ENOX1: variants seen among roughly 807,000 people sequenced by gnomAD.
ENOX1 encodes the protein candidate growth-related and time keeping constitutive hydroquinone (NADH) oxidase.
A neutral mutation model predicts 82.5 loss-of-function variants in ENOX1; 42 were observed. The observed-to-expected ratio is 0.51, with a 90% CI of 0.40 to 0.66. The LOEUF (loss-of-function observed/expected upper bound fraction) is 0.66, where lower values mean the gene tolerates loss of function less well. Ranked by LOEUF, ENOX1 falls within the 30% of genes least tolerant of loss-of-function variation. ENOX1 has a pLI of 0.00. For missense variants in ENOX1, 608 were observed against 811.6 expected, an observed-to-expected ratio of 0.75 and a Z score of 3.05; for synonymous variants, 271 against 282.2, an observed-to-expected ratio of 0.96 and a Z score of 0.40.
chr13:43,405,773 T>C (rs1407105555), intron 5 of ENOX1, among the ~76,000 whole-genome samples: 1 of 152,242 alleles, frequency 6.6e-6, no homozygotes. Context: ...AACTCCTGTC[T>C]GGTTGCCAAC....
chr13:43,376,982 T>C (rs2153572026), intron 5 of ENOX1, among the ~76,000 whole-genome samples: 1 of 152,332 alleles, frequency 6.6e-6, no homozygotes, highest in Admixed American at 6.5e-5. Flanking sequence ...ACAGACTTTA[T>C]ACCAGCCTGA....
At chr13:43,220,317 A>G (rs997012015) in intron 16 of ENOX1, among the ~76,000 whole-genome samples, 1 of 152,202 alleles carries the variant, frequency 6.6e-6, no homozygotes, top group African/African-American at 2.4e-5. Context: ...TGTTGGCTAA[A>G]GCATCCCAGA....
chr13:43,766,702 A>T (rs1951294198), intron 1 of ENOX1, among the ~76,000 whole-genome samples: 1 of 152,244 alleles, frequency 6.6e-6, no homozygotes, highest in Non-Finnish European at 1.5e-5. Flanking sequence ...AGAGTAAAAT[A>T]GACTTGGTTT....
At position 43,317,749 on chromosome 13, in the gene ENOX1, T is replaced by C. The variant is rs370654366; in HGVS notation, c.1261+4635A>G. Among the ~76,000 whole-genome samples the C allele has an allele frequency of 2.6e-5, 4 of 152,018 alleles. No homozygotes were observed. In the East Asian group the frequency reaches 5.8e-4, roughly 22 times the overall value. On this transcript the variant is annotated intron_variant, in intron 11 of 16. Coordinates refer to ENST00000690772, the MANE Select transcript of ENOX1 (RefSeq NM_001347969.2). Reference sequence around the variant, plus strand: ...GGCCAGGCGTGGTGGCTCATGCCTGTAATCCCAACACTTTGGGAGGCCGAG... The same window carrying C: ...GGCCAGGCGTGGTGGCTCATGCCTGCAATCCCAACACTTTGGGAGGCCGAG...
In ENOX1 at chr13:43,504,340, G is replaced by A. The variant is rs1278269880; in HGVS notation, c.-218-20188C>T. Among the ~76,000 whole-genome samples, 6 of 151,688 alleles carry A rather than the reference G, an allele frequency of 4.0e-5. No homozygotes were observed. The East Asian group carries it at 9.7e-4, about 24-fold the overall frequency. ...TGAGTATATAACCAAAGGAATCAAAGTCTGGGTCACAAAGAGATTTCTGCA... is the reference window on the plus strand; with the variant it reads ...TGAGTATATAACCAAAGGAATCAAAATCTGGGTCACAAAGAGATTTCTGCA... On this transcript the variant is annotated intron_variant, in intron 2 of 16. Transcript: ENST00000690772.
intron 11 of ENOX1, among the ~76,000 whole-genome samples, chr13:43,309,096 G>A (rs995362658): frequency 2.0e-5 from 3 of 146,822 alleles, no homozygotes; most frequent in African/African-American, 5.1e-5. Context: ...ACCTTGGCTC[G>A]CTGCAACCTC....
chr13:43,499,784 C>T (rs927167632), intron 2 of ENOX1, among the ~76,000 whole-genome samples: 19 of 151,672 alleles, frequency 1.3e-4, no homozygotes, highest in African/African-American at 3.9e-4. Context: ...CCTATAACTG[C>T]CAGAAAAAGA....
intron 12 of ENOX1, among the ~76,000 whole-genome samples, chr13:43,287,316 G>A (rs1240619789): frequency 6.6e-6 from 1 of 152,214 alleles, no homozygotes; most frequent in Admixed American, 6.5e-5. Context: ...CTGTGAGCCT[G>A]AGTCTTCTTT....
chr13:43,471,809 C>CAAAAAAAA (rs5803181), intron 3 of ENOX1, among the ~76,000 whole-genome samples: 7 of 124,524 alleles, frequency 5.6e-5, no homozygotes, highest in East Asian at 2.8e-4. Flanking sequence ...GACTCCGTCT[C>CAAAAAAAA]AAAAAAAAAA....
intron 11 of ENOX1, among the ~76,000 whole-genome samples, chr13:43,316,629 CAA>C (rs3043979): frequency 0.52 from 77,450 of 149,682 alleles, 19,861 homozygotes; most frequent in South Asian, 0.57. Flanking sequence ...AAGCAATTTA[CAA>C]AAAAAAAAAA....
At chr13:43,426,895 C>T (rs187573945) in intron 3 of ENOX1, among the ~76,000 whole-genome samples, 156 of 152,216 alleles carry the variant, frequency 1.0e-3, no homozygotes, top group African/African-American at 3.6e-3. Context: ...ACAAAATGCA[C>T]CATCATGTCC....
chr13:43,444,201 T>C (rs574600315), intron 3 of ENOX1, among the ~76,000 whole-genome samples: 1 of 152,308 alleles, frequency 6.6e-6, no homozygotes, highest in South Asian at 2.1e-4. Context: ...AGCCTTAACC[T>C]TCTTAAGAAA....
intron 2 of ENOX1, among the ~76,000 whole-genome samples, chr13:43,498,398 AATAATG>A (rs2076866556): frequency 6.6e-6 from 1 of 152,106 alleles, no homozygotes; most frequent in South Asian, 2.1e-4. Context: ...AATGTTAGAA[AATAATG>A]ATAATAATAA....
chr13:43,781,040 C>T (rs541465695), intron 1 of ENOX1, among the ~76,000 whole-genome samples: 1 of 152,342 alleles, frequency 6.6e-6, no homozygotes, highest in South Asian at 2.1e-4. Flanking sequence ...TATTAAAGGG[C>T]TATTCCATAC....
rs1295506299 is a variant in ENOX1, at chr13:43,265,434, C to A, written c.1575G>T (p.Leu525Phe). 2 of 1,611,900 alleles carry A rather than the reference C, an allele frequency of 1.2e-6. No individual in the cohort carries two copies. Among genetic ancestry groups the A allele is most frequent in the South Asian group, 1.1e-5 (1 of 90,564 alleles). Residue 525 changes from leucine to phenylalanine, a missense_variant, in exon 14 of 17, where the codon TTG (leucine) becomes TTT (phenylalanine). Leu to Phe is a conservative substitution (Grantham distance 22). Coordinates refer to ENST00000690772, the MANE Select transcript of ENOX1 (RefSeq NM_001347969.2). ...CATGGCTGTGGCCATTGGTCTCGACCAATTCCTTGGTACCTTTTAACTGCA... is the reference window on the plus strand; with the variant it reads ...CATGGCTGTGGCCATTGGTCTCGACAAATTCCTTGGTACCTTTTAACTGCA... ...LQEQLKGTKE[L>F]VETNGHSHED...
intron 2 of ENOX1, among the ~76,000 whole-genome samples, chr13:43,539,931 T>G (rs1182600867): frequency 6.6e-6 from 1 of 152,182 alleles, no homozygotes; most frequent in African/African-American, 2.4e-5. Flanking sequence ...TTTTTTTTTA[T>G]TTAAGGTCTT....
chr13:43,745,932 C>T (rs918508857), intron 1 of ENOX1, among the ~76,000 whole-genome samples: 1 of 152,102 alleles, frequency 6.6e-6, no homozygotes, highest in African/African-American at 2.4e-5. Flanking sequence ...TTCCTGAGGC[C>T]TCCCAAGTCA....
intron 15 of ENOX1, among the ~76,000 whole-genome samples, chr13:43,230,222 G>A (rs1412603683): frequency 6.6e-6 from 1 of 152,140 alleles, no homozygotes; most frequent in African/African-American, 2.4e-5. Context: ...CCAGGTAGAG[G>A]GAGTTGAGAA....
intron 14 of ENOX1, among the ~76,000 whole-genome samples, chr13:43,253,816 C>T (rs930777992): frequency 6.6e-6 from 1 of 152,108 alleles, no homozygotes; most frequent in African/African-American, 2.4e-5. Context: ...CTTCTGTCCA[C>T]CTTTTGGGCT....
Sources: gnomAD v4.1 joint callset for allele counts (sites outside exome capture counted in the v4.1 genomes callset) on GRCh38, gnomAD v4.1.1 for gene constraint, MANE v1.5 for transcripts, NCBI Gene and HGNC (gene_info 2026-07-23, HGNC 2026-07-21) for gene names.